The following HELZ variants were observed in gnomAD, a reference collection of about 807,000 sequenced individuals.
The protein encoded by HELZ is helicase with zinc finger, also known as ATP-dependent RNA helicase with zinc finger domain.
A neutral mutation model predicts 218.2 loss-of-function variants in HELZ; 23 were observed. The ratio of observed to expected loss-of-function variants is 0.11; its 90% CI spans 0.08 to 0.15. The LOEUF is 0.15. Among genes scored for constraint, HELZ ranks in the 10% least tolerant of loss-of-function variants. The pLI is 1.00. For synonymous variants in HELZ, 814 were observed against 829.4 expected (o/e 0.98, Z 0.32); for missense variants, 1,813 against 2,353.7 (o/e 0.77, Z 4.75).
chr17:67,202,682 G>C (rs1025394265), intron 6 of HELZ, among the ~76,000 whole-genome samples: 1 of 152,102 alleles, frequency 6.6e-6, no homozygotes, highest in African/African-American at 2.4e-5. Context: ...AGAACCCTAT[G>C]AGATCATATG....
chr17:67,092,336 ACCC>A (rs763405374), intron 31 of HELZ, among the ~76,000 whole-genome samples: 2 of 152,130 alleles, frequency 1.3e-5, no homozygotes, highest in African/African-American at 4.8e-5. Flanking sequence ...AATTATAGCT[ACCC>A]CCCAAGAAGG....
chr17:67,226,390 G>C (rs2040893696), intron 3 of HELZ, among the ~76,000 whole-genome samples: 1 of 151,512 alleles, frequency 6.6e-6, no homozygotes, highest in African/African-American at 2.4e-5. Flanking sequence ...TAACAAATAA[G>C]CACATAAAAG....
At chr17:67,147,315 T>G (rs1055607616) in intron 20 of HELZ, among the ~76,000 whole-genome samples, 8 of 152,278 alleles carry the variant, frequency 5.3e-5, no homozygotes, top group Middle Eastern at 6.8e-3. Context: ...TAGATAGATA[T>G]ATATTCATCC....
At chr17:67,183,728 A>G (rs1043675509) in intron 12 of HELZ, among the ~76,000 whole-genome samples, 1 of 152,196 alleles carries the variant, frequency 6.6e-6, no homozygotes, top group South Asian at 2.1e-4. Context: ...TTTTCTAAAC[A>G]GGGGATAACT....
chr17:67,145,299 A>C lies in HELZ; in HGVS notation c.2769+444T>G, dbSNP rs140299158. On this transcript the variant is annotated intron_variant, in intron 21 of 32. Coordinates refer to ENST00000358691, the MANE Select transcript of HELZ (RefSeq NM_014877.4). ...AAGTCAGAAATTGCAAGAGAATTAT[A>C]TAAGTTGGAGCACATCATGGAATTG... Among the ~76,000 whole-genome samples the C allele has an allele frequency of 2.7e-4, 41 of 152,342 alleles. 1 individual carries two copies. The East Asian group carries it at 5.0e-3, about 19-fold the overall frequency.
chr17:67,083,477 TA>T (rs753146849), intron 32 of HELZ, among the ~76,000 whole-genome samples: 188 of 152,102 alleles, frequency 1.2e-3, no homozygotes, highest in Non-Finnish European at 2.3e-3. Context: ...CTGTCTCTAC[TA>T]AAAACACAAA....
intron 9 of HELZ, among the ~76,000 whole-genome samples, chr17:67,193,367 A>G (rs2039946514): frequency 6.6e-6 from 1 of 151,734 alleles, no homozygotes; most frequent in Non-Finnish European, 1.5e-5. Flanking sequence ...AAAAAAAGAA[A>G]AGAAAAACAA....
At chr17:67,102,422 C>A (rs987546969) in intron 31 of HELZ, among the ~76,000 whole-genome samples, 4 of 152,050 alleles carry the variant, frequency 2.6e-5, no homozygotes, top group African/African-American at 9.7e-5. Context: ...ACAAGAAAAT[C>A]AAAATTACTA....
chr17:67,125,345 T>TATATACACAC (rs1567821382), intron 24 of HELZ, among the ~76,000 whole-genome samples: 1 of 76,082 alleles, frequency 1.3e-5, no homozygotes, highest in African/African-American at 5.3e-5. Flanking sequence ...TATATATATA[T>TATATACACAC]ACTTGTGAGG....
At position 67,086,631 on chromosome 17, in the gene HELZ, A is replaced by AT. The variant is rs1598183996; in HGVS notation, c.5494+197_5494+198insA. Among the ~76,000 whole-genome samples, 332 of 93,238 alleles carry AT rather than the reference A, an allele frequency of 3.6e-3. 4 individuals are homozygous for AT. Among genetic ancestry groups the AT allele is most frequent in the African/African-American group, 0.014 (297 of 20,730 alleles). The allele number at this position is 93,238 out of a possible 152,430, so 61.2% of individuals were successfully genotyped here. A position where few individuals can be genotyped will look rare whatever the true frequency, so the allele number is the denominator to read the frequency against. On this transcript the variant is annotated intron_variant, in intron 32 of 32. Transcript: ENST00000358691. ...ATATATATAAATAAATATAAATATAAATATATATATATATATATATATATA... is the reference window on the plus strand; with the variant it reads ...ATATATATAAATAAATATAAATATAATATATATATATATATATATATATATA...
intron 3 of HELZ, among the ~76,000 whole-genome samples, chr17:67,225,806 T>C (rs1478647099): frequency 6.6e-6 from 1 of 152,214 alleles, no homozygotes; most frequent in Non-Finnish European, 1.5e-5. Flanking sequence ...AATTGATTCA[T>C]CTTAGCACAA....
rs553045128 is a variant in HELZ at position 67,165,732 on chromosome 17, A to T, written c.1895+746T>A. ...TGTAAAGACATCCCAAAAAAATTTA[A>T]GCAGAACAATATTTATACGACCATT... is the stretch of plus-strand genomic sequence containing the variant. On this transcript the variant is annotated intron_variant, in intron 15 of 32. Transcript: ENST00000358691. Among the ~76,000 whole-genome samples the T allele has an allele frequency of 3.9e-5, 6 of 152,364 alleles. No individual in the cohort carries two copies. In the South Asian group the frequency reaches 1.2e-3, roughly 32 times the overall value.
intron 23 of HELZ, 127 bp from the exon 24 acceptor site, chr17:67,128,982 A>G (rs887113655): frequency 1.4e-6 from 1 of 700,146 alleles, no homozygotes; most frequent in African/African-American, 1.8e-5. Context: ...ATAGTCATCT[A>G]TGATTGAGAT....
chr17:67,197,111 T>C (rs2040050824), intron 7 of HELZ, among the ~76,000 whole-genome samples: 1 of 152,158 alleles, frequency 6.6e-6, no homozygotes, highest in African/African-American at 2.4e-5. Context: ...CATAATTCCC[T>C]TGTGTTGTGG....
At chr17:67,177,568 G>A (rs2039495674) in intron 13 of HELZ, among the ~76,000 whole-genome samples, 1 of 151,090 alleles carries the variant, frequency 6.6e-6, no homozygotes, top group Admixed American at 6.6e-5. Context: ...CTAAGAAAAA[G>A]GAATCCATGA....
chr17:67,243,566 T>TACCA (rs1395988760), intron 2 of HELZ, among the ~76,000 whole-genome samples: 109 of 152,228 alleles, frequency 7.2e-4, no homozygotes, highest in Non-Finnish European at 2.4e-4. Context: ...CTTAGTTAAG[T>TACCA]ACCACTATGT....
chr17:67,224,440 AC>A (rs2040836512), intron 3 of HELZ: 1 of 227,794 alleles, frequency 4.4e-6, no homozygotes, highest in Admixed American at 5.1e-5. Context: ...AAGCCAAGAA[AC>A]TTTTTTCCAG....
intron 13 of HELZ, among the ~76,000 whole-genome samples, chr17:67,170,501 G>T (rs905760544): frequency 6.6e-6 from 1 of 152,026 alleles, no homozygotes; most frequent in African/African-American, 2.4e-5. Context: ...GCAACAGAGC[G>T]AGATTCTGTC....
intron 2 of HELZ, among the ~76,000 whole-genome samples, chr17:67,242,205 C>T (rs2041330822): frequency 6.6e-6 from 1 of 152,184 alleles, no homozygotes; most frequent in Non-Finnish European, 1.5e-5. Context: ...CACCTGAGGT[C>T]AGGAGCTCGA....
Sources: allele counts gnomAD v4.1 joint callset (sites outside exome capture counted in the v4.1 genomes callset), GRCh38; gene constraint gnomAD v4.1.1; transcripts MANE v1.5; gene names NCBI Gene and HGNC (gene_info 2026-07-23, HGNC 2026-07-21).